The following KCTD9 variants were observed in gnomAD, a reference collection of about 807,000 sequenced individuals.
KCTD9 encodes the protein potassium channel tetramerization domain containing 9.
KCTD9 carries 17 observed loss-of-function variants against 53.3 expected under a neutral mutation model. The observed-to-expected ratio is 0.32, with a 90% confidence interval of 0.22 to 0.48. The LOEUF (loss-of-function observed/expected upper bound fraction) is 0.48. Ranked by LOEUF, KCTD9 falls within the 20% of genes least tolerant of loss-of-function variation. The pLI, the probability that KCTD9 is intolerant of heterozygous loss-of-function variation, is 0.99. For synonymous variants in KCTD9, 128 were observed against 162.7 expected (o/e 0.79, Z 1.62); for missense variants, 179 against 465.5 (o/e 0.38, Z 5.66).
intron 4 of KCTD9, chr8:25,439,875 A>G: frequency 3.9e-6 from 4 of 1,026,932 alleles, no homozygotes; most frequent in Non-Finnish European, 5.3e-6. Flanking sequence ...ACATTGTTTT[A>G]GTTTCCTTTG....
chr8:25,433,747 A>C (rs926748606), intron 9 of KCTD9, among the ~76,000 whole-genome samples: 2 of 152,214 alleles, frequency 1.3e-5, no homozygotes, highest in Non-Finnish European at 2.9e-5. Context: ...TGACACCTCT[A>C]TCTCTATTTT....
chr8:25,429,027 A>C lies in KCTD9; in HGVS notation c.*830T>G, dbSNP rs1801884183. 1 of 152,216 alleles carries C rather than the reference A, an allele frequency of 6.6e-6. No homozygotes were observed. Among genetic ancestry groups the C allele is most frequent in the South Asian group, 2.1e-4 (1 of 4,832 alleles). The allele number at this position is 152,216 out of a possible 1,614,324, so 9.4% of individuals were successfully genotyped here. ...CTATGCTTGTGATGACTGTATGAGA[A>C]AACTAGGCTAATAGTGTAAATAGAT... On this transcript the variant is annotated 3_prime_UTR_variant, in exon 12 of 12. Transcript: ENST00000221200.
chr8:25,429,644 T>C lies in KCTD9; in HGVS notation c.*213A>G. ...GCAATATCTAGTTTCCCTACATCTA[T>C]TAAATGAGTGCTTTTCTGTTAAAAA... On this transcript the variant is annotated 3_prime_UTR_variant, in exon 12 of 12. Coordinates refer to ENST00000221200, the MANE Select transcript of KCTD9 (RefSeq NM_017634.4). 1 of 456,658 alleles carries C rather than the reference T, an allele frequency of 2.2e-6. No homozygotes were observed. Among genetic ancestry groups the C allele is most frequent in the South Asian group, 2.4e-5 (1 of 41,120 alleles). 28.3% of individuals were successfully genotyped at this position (456,658 alleles called of 1,614,324 possible).
intron 1 of KCTD9, 37 bp downstream of exon 1, chr8:25,458,162 A>T: frequency 3.2e-4 from 316 of 974,380 alleles, no homozygotes; most frequent in Non-Finnish European, 4.2e-4. Flanking sequence ...CCTCGCCCCG[A>T]CCCCCGGCCC....
At chr8:25,436,728 G>A (rs915839582) in intron 6 of KCTD9, among the ~76,000 whole-genome samples, 1 of 152,018 alleles carries the variant, frequency 6.6e-6, no homozygotes, top group Non-Finnish European at 1.5e-5. Flanking sequence ...CTGTCTTATA[G>A]GAGAATAAAT....
chr8:25,439,610 G>T lies in KCTD9; in HGVS notation c.366C>A (p.Asp122Glu), dbSNP rs749437883. 4 of 1,614,028 alleles carry T rather than the reference G, an allele frequency of 2.5e-6. No individual in the cohort carries two copies. The South Asian group carries it at 3.3e-5, about 13-fold the overall frequency. ...AAAACAACGTGTTACACTCACCTTT[G>T]TCCTTAAACATGTGGGCCAGCATAC... ...PDSMLAHMFK[D>E]KGVWGNKQDH... is the part of the protein sequence containing the mutation. Residue 122 changes from aspartate (D) to glutamate (E), a missense_variant, in exon 5 of 12, where the codon GAC becomes GAA. Physicochemically the swap from Asp to Glu is conservative, Grantham distance 45 (BLOSUM62 2). This residue lies in a region of KCTD9 where 115 missense variants were observed against 250.9 expected (regional missense o/e 0.46). Transcript: ENST00000221200.
chr8:25,440,530 G>A, intron 4 of KCTD9, 47 bp downstream of exon 4: 1 of 1,213,550 alleles, frequency 8.2e-7, no homozygotes, highest in Non-Finnish European at 1.2e-6. Flanking sequence ...AGGGTACACA[G>A]TGCTTCTTTT....
chr8:25,455,203 T>C (rs1203687238), intron 1 of KCTD9, among the ~76,000 whole-genome samples: 3 of 151,710 alleles, frequency 2.0e-5, no homozygotes, highest in Non-Finnish European at 2.9e-5. Context: ...CCAGCCTGGG[T>C]GGAAGAGCAA....
intron 9 of KCTD9, among the ~76,000 whole-genome samples, chr8:25,434,846 C>CT (rs1801990103): frequency 1.3e-5 from 2 of 152,208 alleles, no homozygotes; most frequent in Admixed American, 1.3e-4. Context: ...ACACAGATAA[C>CT]TGTTATAAAT....
intron 1 of KCTD9, among the ~76,000 whole-genome samples, chr8:25,455,116 G>T (rs565936791): frequency 1.4e-4 from 21 of 152,020 alleles, no homozygotes; most frequent in Admixed American, 3.9e-4. Flanking sequence ...TCCCAGCTAA[G>T]CAAGAGGCTG....
At chr8:25,451,366 A>AT (rs1802316528) in intron 1 of KCTD9, 1 of 152,184 alleles carries the variant, frequency 6.6e-6, no homozygotes. Flanking sequence ...AAAATCTTGT[A>AT]TATCATGGAC....
At chr8:25,457,493 G>T in intron 1 of KCTD9, 1 of 354,994 alleles carries the variant, frequency 2.8e-6, no homozygotes, top group Non-Finnish European at 3.9e-6. Flanking sequence ...CTCCGCAAAG[G>T]CCTAACACAG....
chr8:25,455,041 C>CATCAG (rs2117449468), intron 1 of KCTD9, among the ~76,000 whole-genome samples: 1 of 152,122 alleles, frequency 6.6e-6, no homozygotes, highest in East Asian at 1.9e-4. Context: ...GCCTGGCCAA[C>CATCAG]ATGGTGAAAA....
At chr8:25,442,666 C>A (rs532028146) in intron 3 of KCTD9, among the ~76,000 whole-genome samples, 1 of 151,994 alleles carries the variant, frequency 6.6e-6, no homozygotes, top group African/African-American at 2.4e-5. Flanking sequence ...GGTAAGTGTA[C>A]GCTTGAAGAA....
intron 10 of KCTD9, 121 bp from the exon 11 acceptor site, chr8:25,432,758 G>T: frequency 1.2e-6 from 1 of 810,658 alleles, no homozygotes; most frequent in Non-Finnish European, 2.0e-6. Context: ...CTAAAATCTT[G>T]TCTCTCAACG....
intron 3 of KCTD9, 99 bp downstream of exon 3, chr8:25,444,193 T>C: frequency 2.0e-6 from 2 of 982,930 alleles, no homozygotes; most frequent in Non-Finnish European, 3.1e-6. Context: ...CATAAGATCA[T>C]TTTTAATGTT....
chr8:25,432,255 C>T (rs1046319541), intron 11 of KCTD9, among the ~76,000 whole-genome samples: 5 of 152,170 alleles, frequency 3.3e-5, no homozygotes, highest in Admixed American at 6.5e-5. Flanking sequence ...TAATCTAGCC[C>T]ATTTAATTCT....
At chr8:25,444,200 T>A (rs1802173059) in intron 3 of KCTD9, 92 bp downstream of exon 3, 2 of 1,006,292 alleles carry the variant, frequency 2.0e-6, no homozygotes, top group African/African-American at 3.3e-5. Flanking sequence ...TCATTTTTAA[T>A]GTTTAAGCTT....
chr8:25,434,862 C>T (rs766982101), intron 9 of KCTD9, among the ~76,000 whole-genome samples: 1 of 152,168 alleles, frequency 6.6e-6, no homozygotes, highest in Non-Finnish European at 1.5e-5. Context: ...TAAATACATA[C>T]ATATACATAT....
Sources: gnomAD v4.1 joint callset for allele counts (sites outside exome capture counted in the v4.1 genomes callset) on GRCh38, gnomAD v4.1.1 for gene constraint, gnomAD v4.1.1 regional missense constraint, MANE v1.5 for transcripts, NCBI Gene and HGNC (gene_info 2026-07-23, HGNC 2026-07-21) for gene names.